Variants in CDHR3 observed in about 807,000 individuals in gnomAD.
CDHR3 encodes the protein cadherin-related family member 3.
CDHR3 carries 79 observed loss-of-function variants against 86.6 expected under a neutral mutation model. That is an observed-to-expected ratio of 0.91 (90% confidence interval 0.76 to 1.10). CDHR3 has a LOEUF of 1.10. CDHR3 is among the 50% of genes least tolerant of loss of function. The probability of loss-of-function intolerance (pLI) is 0.00; values close to 1 mark genes in which losing one functional copy is unlikely to be tolerated. For missense variants in CDHR3, 1,081 were observed against 1,077.6 expected, an observed-to-expected ratio of 1.00 and a Z score of -0.04; for synonymous variants, 421 against 402.4, an observed-to-expected ratio of 1.05 and a Z score of -0.55.
chr7:106,020,345 G>A (rs1198019339), intron 12 of CDHR3, 28 bp from the exon 13 acceptor site: 1 of 1,564,318 alleles, frequency 6.4e-7, no homozygotes, highest in Middle Eastern at 1.7e-4. Context: ...TTTAGCTATT[G>A]AGAATGACCA....
chr7:106,022,570 CAAAA>C, intron 14 of CDHR3, 122 bp downstream of exon 14: 1 of 1,395,190 alleles, frequency 7.2e-7, no homozygotes, highest in Non-Finnish European at 9.7e-7. Flanking sequence ...AGGATGTTGC[CAAAA>C]ATGGCAACCA....
chr7:105,975,002 A>C lies in CDHR3; in HGVS notation c.205A>C (p.Thr69Pro). Residue 69 changes from threonine (T) to proline (P), a missense_variant, in exon 2 of 19, where the codon ACT becomes CCT. By Grantham distance (38) the Thr-to-Pro change is conservative. Transcript: ENST00000317716. ...FPQIVNSNPL[T>P]EAFRVNWLSG... The stretch of plus-strand genomic sequence containing the variant: ...CCAGATAGTCAACTCAAATCCCCTC[A>C]CTGAAGCTTTTAGGGTGAATTGGCT... The C allele has an allele frequency of 6.2e-7, 1 of 1,613,890 alleles. No individual in the cohort carries two copies. Among genetic ancestry groups the C allele is most frequent in the Non-Finnish European group, 8.5e-7 (1 of 1,179,828 alleles).
chr7:106,005,526 C>G (rs1457429311), intron 8 of CDHR3, among the ~76,000 whole-genome samples: 1 of 152,212 alleles, frequency 6.6e-6, no homozygotes, highest in Non-Finnish European at 1.5e-5. Flanking sequence ...CACAGCAGCC[C>G]TTGCTAAGAG....
At position 106,015,881 on chromosome 7, in the gene CDHR3, A is replaced by G. The variant is rs747215594; in HGVS notation, c.1328-46A>G. 4 of 1,286,434 alleles carry G rather than the reference A, an allele frequency of 3.1e-6. No homozygotes were observed. In the African/African-American group the frequency reaches 5.8e-5, roughly 19 times the overall value. The allele number at this position is 1,286,434 out of a possible 1,614,324, so 79.7% of individuals were successfully genotyped here. On this transcript the variant is annotated intron_variant, in intron 10 of 18. Transcript: ENST00000317716. ...TTAAAGATGTTGAATAAACAAATGG[A>G]TGAGTATGGATTTGTGATTAAATGT... is the stretch of plus-strand genomic sequence containing the variant.
intron 1 of CDHR3, among the ~76,000 whole-genome samples, chr7:105,973,331 G>A (rs866851805): frequency 6.6e-5 from 10 of 152,186 alleles, no homozygotes; most frequent in Admixed American, 1.3e-4. Context: ...CATTGTATTC[G>A]TTTCCTAGGG....
Position 106,013,143 on chromosome 7 carries a change from G to T in CDHR3, c.1224+112G>T, listed in dbSNP as rs1008193138. The stretch of plus-strand genomic sequence containing the variant: ...TTCCAAGGTAACCCCCTCTCAGAGC[G>T]ACTGTAACTGACAGGCTTAATAGTG... On this transcript the variant is annotated intron_variant, in intron 9 of 18. Coordinates refer to ENST00000317716, the MANE Select transcript of CDHR3 (RefSeq NM_152750.5). 1.9e-5 allele frequency: 17 copies of T among 881,648 alleles called. No individual in the cohort carries two copies. In the East Asian group the frequency reaches 4.4e-4, roughly 23 times the overall value. The allele number at this position is 881,648 out of a possible 1,614,324, so 54.6% of individuals were successfully genotyped here.
intron 2 of CDHR3, among the ~76,000 whole-genome samples, chr7:105,976,713 G>A (rs1031694234): frequency 3.3e-5 from 5 of 151,976 alleles, no homozygotes; most frequent in African/African-American, 1.2e-4. Context: ...ATAGTATGTG[G>A]TCTTTAATGA....
In CDHR3 at chr7:105,975,049, A is replaced by T. The variant is rs766182166; in HGVS notation, c.249+3A>T. 6.2e-7 allele frequency: 1 copy of T among 1,610,986 alleles called. No homozygotes were observed. Among genetic ancestry groups the T allele is most frequent in the Non-Finnish European group, 8.5e-7 (1 of 1,177,150 alleles). On this transcript the variant is annotated splice_donor_region_variant and intron_variant, in intron 2 of 18. Coordinates refer to ENST00000317716, the MANE Select transcript of CDHR3 (RefSeq NM_152750.5). ...GGCTGTCAGGCACCTACTTTGAGGT[A>T]AGTAACAACTTACCAACATGAGTGT...
chr7:105,985,409 C>G (rs1005341586), intron 4 of CDHR3, among the ~76,000 whole-genome samples: 2 of 152,198 alleles, frequency 1.3e-5, no homozygotes, highest in African/African-American at 4.8e-5. Context: ...CAGACCCTGC[C>G]TTACAGAGAA....
chr7:105,984,184 TG>T lies in CDHR3; in HGVS notation c.416-6del. ...ATGTTTCTTATTCCACTTTGGACAC[TG>T]GTCTAGGTCTACACCTCTACATAGT... is the stretch of plus-strand genomic sequence containing the variant. On this transcript the variant is annotated splice_polypyrimidine_tract_variant and splice_region_variant and intron_variant, in intron 3 of 18. Coordinates refer to ENST00000317716, the MANE Select transcript of CDHR3 (RefSeq NM_152750.5). 6.6e-7 allele frequency: 1 copy of T among 1,517,642 alleles called. No homozygotes were observed. The highest frequency in any genetic ancestry group is 8.9e-7 in the Non-Finnish European group (1 of 1,119,326). The allele number at this position is 1,517,642 out of a possible 1,614,324, so 94.0% of individuals were successfully genotyped here. A position where few individuals can be genotyped will look rare whatever the true frequency, so the allele number is the denominator to read the frequency against.
intron 2 of CDHR3, among the ~76,000 whole-genome samples, chr7:105,979,390 C>T (rs564600952): frequency 2.6e-5 from 4 of 152,294 alleles, no homozygotes; most frequent in South Asian, 4.1e-4. Context: ...CCTCGACAAT[C>T]TTCCATACCC....
chr7:105,993,931 G>C (rs1831787115), intron 4 of CDHR3, among the ~76,000 whole-genome samples: 1 of 152,164 alleles, frequency 6.6e-6, no homozygotes, highest in Admixed American at 6.5e-5. Flanking sequence ...AGCTGGGCTG[G>C]AAGCCTATGA....
At chr7:105,966,007 G>A (rs993754279) in intron 1 of CDHR3, among the ~76,000 whole-genome samples, 2 of 152,096 alleles carry the variant, frequency 1.3e-5, no homozygotes, top group African/African-American at 4.8e-5. Context: ...CTCCTATGAA[G>A]ATGAGTTTCC....
chr7:105,986,618 T>C (rs1830565485), intron 4 of CDHR3, among the ~76,000 whole-genome samples: 1 of 152,114 alleles, frequency 6.6e-6, no homozygotes, highest in African/African-American at 2.4e-5. Context: ...TATGCTGAAG[T>C]TCAATGAAGA....
chr7:106,033,238 A>C lies in CDHR3; in HGVS notation c.*541A>C, dbSNP rs1444402566. On this transcript the variant is annotated 3_prime_UTR_variant, in exon 19 of 19. Coordinates refer to ENST00000317716, the MANE Select transcript of CDHR3 (RefSeq NM_152750.5). ...GTTAAGAGTTGGTCATCTGGAAAGA[A>C]GAAAACTCAGTAGGCACCTTCTTTT... 2 of 153,446 alleles carry C rather than the reference A, an allele frequency of 1.3e-5. No homozygotes were observed. Among genetic ancestry groups the C allele is most frequent in the African/African-American group, 2.4e-5 (1 of 41,466 alleles). 9.5% of individuals were successfully genotyped at this position (153,446 alleles called of 1,614,324 possible). A position where few individuals can be genotyped will look rare whatever the true frequency, so the allele number is the denominator to read the frequency against.
chr7:105,992,043 G>C (rs924230077), intron 4 of CDHR3, among the ~76,000 whole-genome samples: 1 of 152,156 alleles, frequency 6.6e-6, no homozygotes, highest in Non-Finnish European at 1.5e-5. Context: ...TTCCAGATGA[G>C]TCTAAGAGTC....
At chr7:105,989,825 G>T (rs1831092076) in intron 4 of CDHR3, among the ~76,000 whole-genome samples, 1 of 152,104 alleles carries the variant, frequency 6.6e-6, no homozygotes, top group African/African-American at 2.4e-5. Context: ...TCTGCCACTG[G>T]CTTCCTACCC....
At chr7:105,997,476 C>T (rs1832435233) in intron 6 of CDHR3, among the ~76,000 whole-genome samples, 1 of 152,184 alleles carries the variant, frequency 6.6e-6, no homozygotes, top group Non-Finnish European at 1.5e-5. Context: ...AGAAGGAGAG[C>T]TCAGTGCCTT....
At chr7:106,003,935 T>G (rs758497107) in intron 7 of CDHR3, among the ~76,000 whole-genome samples, 6 of 144,252 alleles carry the variant, frequency 4.2e-5, no homozygotes, top group Non-Finnish European at 8.9e-5. Context: ...TCTGAGCATA[T>G]TTATTAAGAT....
Sources: allele counts gnomAD v4.1 joint callset (sites outside exome capture counted in the v4.1 genomes callset), GRCh38; gene constraint gnomAD v4.1.1; transcripts MANE v1.5; gene names NCBI Gene and HGNC (gene_info 2026-07-23, HGNC 2026-07-21).